Variants in EPHA5 observed in about 807,000 individuals in gnomAD.
The protein encoded by EPHA5 is EPH receptor A5, also known as ephrin type-A receptor 5.
In EPHA5, 60 loss-of-function variants were observed where a neutral mutation model predicts 105.0. That is an observed-to-expected ratio of 0.57 (90% CI 0.46 to 0.71). The LOEUF (loss-of-function observed/expected upper bound fraction) is 0.71. EPHA5 is among the 30% of genes least tolerant of loss of function. The probability of loss-of-function intolerance (pLI) is 0.00; values close to 1 mark genes in which losing one functional copy is unlikely to be tolerated. For missense variants in EPHA5, 1,218 were observed against 1,274.7 expected, an observed-to-expected ratio of 0.96 and a Z score of 0.68; for synonymous variants, 513 against 449.1, an observed-to-expected ratio of 1.14 and a Z score of -1.80.
intron 3 of EPHA5, among the ~76,000 whole-genome samples, chr4:65,513,591 T>A (rs1039369236): frequency 6.6e-6 from 1 of 152,152 alleles, no homozygotes; most frequent in African/African-American, 2.4e-5. Context: ...TTTTACCATG[T>A]TGGCCAGGCT....
chr4:65,389,425 T>C (rs1720479681), intron 8 of EPHA5, among the ~76,000 whole-genome samples: 2 of 152,064 alleles, frequency 1.3e-5, no homozygotes, highest in Non-Finnish European at 2.9e-5. Flanking sequence ...ACATTATGAT[T>C]ATCTTTTACA....
intron 3 of EPHA5, among the ~76,000 whole-genome samples, chr4:65,542,403 C>A (rs1560672585): frequency 6.6e-6 from 1 of 151,878 alleles, no homozygotes; most frequent in African/African-American, 2.4e-5. Context: ...CACCACTGAC[C>A]CCACAGAAAT....
chr4:65,419,870 TA>T, intron 6 of EPHA5, among the ~76,000 whole-genome samples: 1 of 152,314 alleles, frequency 6.6e-6, no homozygotes, highest in African/African-American at 2.4e-5. Context: ...GTAAAATGTT[TA>T]AAAGTGGCTA....
chr4:65,394,261 A>C (rs142454809), intron 8 of EPHA5, among the ~76,000 whole-genome samples: 1 of 152,282 alleles, frequency 6.6e-6, no homozygotes, highest in African/African-American at 2.4e-5. Context: ...TTAAAATGTA[A>C]ATTCCATTAT....
intron 8 of EPHA5, among the ~76,000 whole-genome samples, chr4:65,389,795 A>G (rs1720521844): frequency 1.3e-5 from 2 of 152,042 alleles, no homozygotes; most frequent in South Asian, 4.1e-4. Context: ...ATTTGAATCT[A>G]TGGAATTATC....
intron 5 of EPHA5, among the ~76,000 whole-genome samples, chr4:65,447,732 A>G (rs940090235): frequency 1.3e-5 from 2 of 152,016 alleles, no homozygotes; most frequent in African/African-American, 4.8e-5. Context: ...ATTGGACAGG[A>G]GGAAAACTAA....
At chr4:65,650,552 T>A (rs1159019413) in intron 1 of EPHA5, among the ~76,000 whole-genome samples, 4 of 54,368 alleles carry the variant, frequency 7.4e-5, no homozygotes, top group Non-Finnish European at 1.2e-4. Context: ...AGAGTGAGAC[T>A]CAGTCTCAAA....
At chr4:65,393,813 A>G (rs895974540) in intron 8 of EPHA5, among the ~76,000 whole-genome samples, 1 of 152,162 alleles carries the variant, frequency 6.6e-6, no homozygotes, top group African/African-American at 2.4e-5. Flanking sequence ...ATCCAAGACA[A>G]CAACATATAG....
At position 65,404,399 on chromosome 4, in the gene EPHA5, C is replaced by T. The variant is rs1162603049; in HGVS notation, c.1768G>A (p.Val590Ile). 1.2e-6 allele frequency: 2 copies of T among 1,613,690 alleles called. No homozygotes were observed. Among genetic ancestry groups the T allele is most frequent in the Admixed American group, 3.3e-5 (2 of 59,960 alleles). The stretch of plus-strand genomic sequence containing the variant: ...CTTCCACTGAGGAGGACGCCGATAA[C>T]CACTGCCAACAAAATGACTCCCACT... The part of the protein sequence containing the change: ...VTVGVILLAV[V>I]IGVLLSGRRC... Residue 590 changes from valine to isoleucine, a missense_variant, in exon 8 of 17, where the codon GTT (valine) becomes ATT (isoleucine). By Grantham distance (29) the Val-to-Ile change is conservative. This residue lies in a region of EPHA5 where 971 missense variants were observed against 1,013.5 expected (regional missense o/e 0.96). Transcript: ENST00000613740.
chr4:65,578,059 C>A (rs1741239009), intron 3 of EPHA5, among the ~76,000 whole-genome samples: 1 of 152,104 alleles, frequency 6.6e-6, no homozygotes, highest in Non-Finnish European at 1.5e-5. Context: ...AAATAAGCTA[C>A]TTCTTGGGAT....
At chr4:65,662,567 AG>A (rs1267258699) in intron 1 of EPHA5, among the ~76,000 whole-genome samples, 1 of 152,172 alleles carries the variant, frequency 6.6e-6, no homozygotes, top group African/African-American at 2.4e-5. Context: ...ACAGAGAAAT[AG>A]AAGGAAAAAA....
chr4:65,546,910 G>A (rs1051036959), intron 3 of EPHA5, among the ~76,000 whole-genome samples: 11 of 151,798 alleles, frequency 7.2e-5, no homozygotes, highest in Admixed American at 2.6e-4. Flanking sequence ...AGCCCAACTT[G>A]AAAAGACACA....
intron 5 of EPHA5, among the ~76,000 whole-genome samples, chr4:65,452,010 T>A (rs1727114392): frequency 6.6e-6 from 1 of 152,220 alleles, no homozygotes; most frequent in African/African-American, 2.4e-5. Flanking sequence ...CTCTTTAAAA[T>A]TATTTTGTGG....
chr4:65,600,873 C>T (rs1396201001), intron 3 of EPHA5, among the ~76,000 whole-genome samples: 1 of 152,022 alleles, frequency 6.6e-6, no homozygotes, highest in Non-Finnish European at 1.5e-5. Context: ...AAACGGCCAA[C>T]TCACCACACT....
intron 3 of EPHA5, among the ~76,000 whole-genome samples, chr4:65,541,793 T>A (rs1736863199): frequency 1.3e-5 from 2 of 152,010 alleles, no homozygotes; most frequent in Non-Finnish European, 2.9e-5. Context: ...GAATATACAT[T>A]CTTCTCAGTG....
At chr4:65,397,524 C>T (rs1721360019) in intron 8 of EPHA5, among the ~76,000 whole-genome samples, 1 of 152,152 alleles carries the variant, frequency 6.6e-6, no homozygotes, top group South Asian at 2.1e-4. Context: ...TAACTGCCCC[C>T]ATACAAGACT....
intron 3 of EPHA5, among the ~76,000 whole-genome samples, chr4:65,554,993 A>C (rs1738278162): frequency 2.7e-5 from 1 of 36,924 alleles, no homozygotes; most frequent in East Asian, 4.8e-4. Flanking sequence ...AAAAAAAAAA[A>C]AAAAAAAAAA....
Position 65,365,010 on chromosome 4 carries a change from T to A in EPHA5, c.2173+7A>T, listed in dbSNP as rs922288001. ...CACACACATGTATAATTTGCCATCA[T>A]ACTTACTTTTGGTCACCACACCTTC... On this transcript the variant is annotated splice_region_variant and intron_variant, in intron 11 of 16. Coordinates refer to ENST00000613740, the MANE Select transcript of EPHA5 (RefSeq NM_001281766.3). The A allele has an allele frequency of 1.2e-6, 2 of 1,609,590 alleles. No individual in the cohort carries two copies. Among genetic ancestry groups the A allele is most frequent in the South Asian group, 2.2e-5 (2 of 90,734 alleles).
At chr4:65,653,668 T>C (rs945513869) in intron 1 of EPHA5, among the ~76,000 whole-genome samples, 4 of 152,092 alleles carry the variant, frequency 2.6e-5, no homozygotes, top group African/African-American at 9.7e-5. Flanking sequence ...AATCGATTTT[T>C]GGTCACAAAA....
Sources: allele counts gnomAD v4.1 joint callset (sites outside exome capture counted in the v4.1 genomes callset), GRCh38; gene constraint gnomAD v4.1.1; regional missense constraint gnomAD v4.1.1; transcripts MANE v1.5; gene names NCBI Gene and HGNC (gene_info 2026-07-23, HGNC 2026-07-21).